Variants in KIAA1549L observed in about 807,000 individuals in gnomAD.
KIAA1549L encodes the protein UPF0606 protein KIAA1549L.
A neutral mutation model predicts 160.7 loss-of-function variants in KIAA1549L; 88 were observed. The observed-to-expected ratio is 0.55, with a 90% CI of 0.46 to 0.65. KIAA1549L has a LOEUF of 0.65. KIAA1549L is among the 30% of genes least tolerant of loss of function. The probability of loss-of-function intolerance (pLI) is 0.00; values close to 1 mark genes in which losing one functional copy is unlikely to be tolerated. For synonymous variants in KIAA1549L, 950 were observed against 976.7 expected, an observed-to-expected ratio of 0.97 and a Z score of 0.51; for missense variants, 2,258 against 2,437.5, an observed-to-expected ratio of 0.93 and a Z score of 1.55.
intron 11 of KIAA1549L, 38 bp downstream of exon 11, chr11:33,583,539 G>A: frequency 6.5e-7 from 1 of 1,527,290 alleles, no homozygotes; most frequent in African/African-American, 1.4e-5. Flanking sequence ...AGGAGGACAG[G>A]CCTGCAGGAG....
At chr11:33,456,236 A>T (rs1460803125) in intron 1 of KIAA1549L, among the ~76,000 whole-genome samples, 3 of 152,122 alleles carry the variant, frequency 2.0e-5, no homozygotes, top group African/African-American at 7.2e-5. Flanking sequence ...GACCTAATTA[A>T]TTTTTCCCCC....
Position 33,545,488 on chromosome 11 carries a change from C to T in KIAA1549L, c.3385+110C>T, listed in dbSNP as rs1023292094. 7 of 1,281,414 alleles carry T rather than the reference C, an allele frequency of 5.5e-6. No individual in the cohort carries two copies. In the African/African-American group the frequency reaches 7.5e-5, roughly 14 times the overall value. 79.4% of individuals were successfully genotyped at this position (1,281,414 alleles called of 1,614,324 possible). On this transcript the variant is annotated intron_variant, in intron 3 of 20. Coordinates refer to ENST00000658780, the MANE Select transcript of KIAA1549L (RefSeq NM_012194.3). ...CAACCAGGGGACATTTTTCCACCCT[C>T]CCCCAGGGACATTTGGCTATGTCTG...
intron 17 of KIAA1549L, among the ~76,000 whole-genome samples, chr11:33,650,862 G>A (rs896916344): frequency 6.6e-6 from 1 of 152,200 alleles, no homozygotes; most frequent in Non-Finnish European, 1.5e-5. Flanking sequence ...CCCGTGGAAG[G>A]AGGGGGAATT....
intron 1 of KIAA1549L, among the ~76,000 whole-genome samples, chr11:33,457,458 C>T (rs1456580065): frequency 6.6e-6 from 1 of 152,154 alleles, no homozygotes; most frequent in Non-Finnish European, 1.5e-5. Flanking sequence ...GACCTCTCAG[C>T]CAGGAAGAGG....
intron 6 of KIAA1549L, among the ~76,000 whole-genome samples, chr11:33,558,583 A>G (rs561023758): frequency 2.0e-4 from 30 of 152,288 alleles, no homozygotes; most frequent in African/African-American, 7.2e-4. Flanking sequence ...ATTCACAAAA[A>G]AAGGCCTCAC....
chr11:33,469,694 T>G (rs1291334552), intron 1 of KIAA1549L, among the ~76,000 whole-genome samples: 3 of 152,252 alleles, frequency 2.0e-5, no homozygotes, highest in African/African-American at 7.2e-5. Context: ...TTATTGTGTC[T>G]TTTTTATTTC....
rs186634092 is a variant in KIAA1549L, at chr11:33,608,125, G to A, written c.5061+1303G>A. ...AAAAGAGTATGGATTCTCAAGCCATGCCTCAGGGGTTTGAGCCTCAGATCT... is the reference window on the plus strand; with the variant it reads ...AAAAGAGTATGGATTCTCAAGCCATACCTCAGGGGTTTGAGCCTCAGATCT... On this transcript the variant is annotated intron_variant, in intron 14 of 20. Coordinates refer to ENST00000658780, the MANE Select transcript of KIAA1549L (RefSeq NM_012194.3). 1.1e-3 allele frequency among the ~76,000 whole-genome samples: 166 copies of A among 152,316 alleles called. No individual in the cohort carries two copies. The Middle Eastern group carries it at 0.027, about 25-fold the overall frequency.
At chr11:33,459,287 T>C (rs1383437219) in intron 1 of KIAA1549L, among the ~76,000 whole-genome samples, 1 of 152,178 alleles carries the variant, frequency 6.6e-6, no homozygotes, top group Non-Finnish European at 1.5e-5. Flanking sequence ...CCTTCAGAGG[T>C]CTGCTTCCTC....
intron 16 of KIAA1549L, among the ~76,000 whole-genome samples, chr11:33,626,125 GT>G (rs1367525669): frequency 6.7e-6 from 1 of 149,664 alleles, no homozygotes; most frequent in Non-Finnish European, 1.5e-5. Context: ...CTATATCTCT[GT>G]TTTGGTACCA....
intron 16 of KIAA1549L, among the ~76,000 whole-genome samples, chr11:33,641,602 A>G (rs1211512144): frequency 0.019 from 556 of 29,082 alleles, 27 homozygotes; most frequent in Middle Eastern, 0.029. Context: ...ATATATATAT[A>G]TATATATATA....
chr11:33,486,100 C>T (rs1590280443), intron 1 of KIAA1549L, among the ~76,000 whole-genome samples: 1 of 152,264 alleles, frequency 6.6e-6, no homozygotes, highest in East Asian at 1.9e-4. Flanking sequence ...GCAGGTATCT[C>T]CTTGACATAC....
chr11:33,402,497 T>C (rs553406348), intron 1 of KIAA1549L, among the ~76,000 whole-genome samples: 7 of 152,320 alleles, frequency 4.6e-5, no homozygotes, highest in African/African-American at 1.4e-4. Context: ...CCAGGGCTCT[T>C]TCTAATCATA....
At chr11:33,571,608 A>T (rs1170515567) in intron 9 of KIAA1549L, among the ~76,000 whole-genome samples, 1 of 152,114 alleles carries the variant, frequency 6.6e-6, no homozygotes, top group Non-Finnish European at 1.5e-5. Context: ...AGCAAGAAAG[A>T]GGGTGGGGGG....
intron 1 of KIAA1549L, among the ~76,000 whole-genome samples, chr11:33,456,228 C>T (rs771682978): frequency 1.3e-5 from 2 of 152,080 alleles, no homozygotes; most frequent in African/African-American, 4.8e-5. Flanking sequence ...CAATCGATGA[C>T]CTAATTAATT....
chr11:33,410,139 T>C (rs1850758834), intron 1 of KIAA1549L, among the ~76,000 whole-genome samples: 1 of 152,164 alleles, frequency 6.6e-6, no homozygotes. Flanking sequence ...CCTTCAATTT[T>C]TGGAGAAGAA....
At chr11:33,420,233 TTG>T (rs57837476) in intron 1 of KIAA1549L, among the ~76,000 whole-genome samples, 47,595 of 110,040 alleles carry the variant, frequency 0.43, 9,650 homozygotes, top group South Asian at 0.52. Flanking sequence ...AGTTTTTTTT[TTG>T]TTTTTTTTTT....
intron 13 of KIAA1549L, among the ~76,000 whole-genome samples, chr11:33,602,046 A>C (rs1275104073): frequency 6.6e-6 from 1 of 152,238 alleles, no homozygotes; most frequent in African/African-American, 2.4e-5. Context: ...GTTAAAAGTA[A>C]GTTCAAGATT....
intron 11 of KIAA1549L, among the ~76,000 whole-genome samples, chr11:33,590,463 A>G (rs1850020211): frequency 1.3e-5 from 2 of 152,304 alleles, no homozygotes; most frequent in Middle Eastern, 3.4e-3. Context: ...CTTGGTTTTC[A>G]TTACCACACT....
chr11:33,590,805 A>G (rs1850030889), intron 11 of KIAA1549L, among the ~76,000 whole-genome samples: 1 of 139,972 alleles, frequency 7.1e-6, no homozygotes, highest in African/African-American at 3.3e-5. Flanking sequence ...AAAGTCACAC[A>G]TGTGCTATTA....
Sources: gnomAD v4.1 joint callset for allele counts (sites outside exome capture counted in the v4.1 genomes callset) on GRCh38, gnomAD v4.1.1 for gene constraint, MANE v1.5 for transcripts, NCBI Gene and HGNC (gene_info 2026-07-23, HGNC 2026-07-21) for gene names.